NUP210: variants seen among roughly 807,000 people sequenced by gnomAD.
The protein encoded by NUP210 is nuclear pore membrane glycoprotein 210.
A neutral mutation model predicts 196.0 loss-of-function variants in NUP210; 151 were observed. The ratio of observed to expected loss-of-function variants is 0.77; its 90% confidence interval spans 0.67 to 0.88. The LOEUF (loss-of-function observed/expected upper bound fraction) is 0.88, where lower values mean the gene tolerates loss of function less well. Ranked by LOEUF, NUP210 falls within the 40% of genes least tolerant of loss-of-function variation. The probability of loss-of-function intolerance (pLI) is 0.00; values close to 1 mark genes in which losing one functional copy is unlikely to be tolerated. For synonymous variants in NUP210, 1,070 were observed against 1,052.7 expected (o/e 1.02, Z -0.32); for missense variants, 2,314 against 2,493.7 (o/e 0.93, Z 1.53).
At chr3:13,346,669 G>A (rs1440232772) in intron 20 of NUP210, among the ~76,000 whole-genome samples, 1 of 152,218 alleles carries the variant, frequency 6.6e-6, no homozygotes, top group East Asian at 1.9e-4. Flanking sequence ...CCCGCTTCCT[G>A]GAGCCCTGAT....
chr3:13,401,044 G>A (rs1332942208), intron 1 of NUP210, among the ~76,000 whole-genome samples: 1 of 152,028 alleles, frequency 6.6e-6, no homozygotes, highest in Non-Finnish European at 1.5e-5. Context: ...GATCACCAGA[G>A]GTCAGGAGTT....
chr3:13,396,842 T>C (rs1464248643), intron 3 of NUP210, among the ~76,000 whole-genome samples: 1 of 147,254 alleles, frequency 6.8e-6, no homozygotes. Context: ...AACAAGCCCA[T>C]ATTTGACTCT....
chr3:13,353,529 C>T, intron 18 of NUP210, 25 bp downstream of exon 18: 1 of 1,576,260 alleles, frequency 6.3e-7, no homozygotes, highest in Non-Finnish European at 8.7e-7. Context: ...CCATAGCCCA[C>T]CCACCACTGG....
chr3:13,323,510 C>A lies in NUP210; in HGVS notation c.4645-78G>T. 2 of 1,534,740 alleles carry A rather than the reference C, an allele frequency of 1.3e-6. No homozygotes were observed. Among genetic ancestry groups the A allele is most frequent in the East Asian group, 2.3e-5 (1 of 44,200 alleles). ...TGCTGGGCGTTTCCACAACCTCACC[C>A]TGCAGTCTGTGACATAGTGTCACCC... is the stretch of plus-strand genomic sequence containing the variant. On this transcript the variant is annotated intron_variant, in intron 33 of 39. Transcript: ENST00000254508. This position sits in a 1 kb window ranked among gnomAD's most constrained non-coding sequence, Gnocchi z 4.3.
chr3:13,391,630 C>T (rs1359830012), intron 3 of NUP210, among the ~76,000 whole-genome samples: 3 of 149,012 alleles, frequency 2.0e-5, no homozygotes, highest in Non-Finnish European at 3.0e-5. Flanking sequence ...CTGCCCCGCA[C>T]GTCTGTGAGC....
chr3:13,335,427 C>T (rs375410466), intron 28 of NUP210, 27 bp downstream of exon 28: 1 of 1,605,654 alleles, frequency 6.2e-7, no homozygotes, highest in Admixed American at 1.7e-5. Context: ...CTCCCCCTTC[C>T]CTGTGGCCTT....
In NUP210 at chr3:13,321,837, T is replaced by C. The variant is rs1348997087; in HGVS notation, c.4916-2A>G. ...TTGTGATTGAGCAGAAGTACTGGCC[T>C]GCGAAGACAAGGGTGTATTGTCTTG... On this transcript the variant is annotated splice_acceptor_variant, in intron 35 of 39. Transcript: ENST00000254508. LOFTEE classifies it high-confidence loss of function. 1 of 1,602,646 alleles carries C rather than the reference T, an allele frequency of 6.2e-7. No homozygotes were observed. The highest frequency in any genetic ancestry group is 8.5e-7 in the Non-Finnish European group (1 of 1,179,432).
chr3:13,356,339 C>A (rs1442431835), intron 16 of NUP210, among the ~76,000 whole-genome samples: 1 of 152,214 alleles, frequency 6.6e-6, no homozygotes, highest in Non-Finnish European at 1.5e-5. Flanking sequence ...AGGAATATAT[C>A]TTTCTCAAAG....
Position 13,335,485 on chromosome 3 carries a change from G to A in NUP210, c.3812C>T (p.Ala1271Val). Reference sequence around the variant, plus strand: ...TTGGATCTCATCCGAGAGTTCTCTGGCCAGGCCATACAGCTGCCCCGATGT... The same window carrying A: ...TTGGATCTCATCCGAGAGTTCTCTGACCAGGCCATACAGCTGCCCCGATGT... The part of the protein sequence containing the change: ...DPTSGQLYGL[A>V]RELSDEIQVQ... The change falls in exon 28 of 40, where the codon GCC (alanine) becomes GTC (valine). Residue 1271 changes from alanine to valine, a missense_variant. By Grantham distance (64) the Ala-to-Val change is moderately conservative (BLOSUM62 0). Coordinates refer to ENST00000254508, the MANE Select transcript of NUP210 (RefSeq NM_024923.4). 4 of 1,613,966 alleles carry A rather than the reference G, an allele frequency of 2.5e-6. No homozygotes were observed. The highest frequency in any genetic ancestry group is 3.4e-6 in the Non-Finnish European group (4 of 1,179,962).
intron 14 of NUP210, among the ~76,000 whole-genome samples, chr3:13,362,283 C>T (rs905145364): frequency 6.6e-6 from 1 of 152,220 alleles, no homozygotes; most frequent in Non-Finnish European, 1.5e-5. Context: ...TATAAGGGCA[C>T]TAATCCCAGC....
At chr3:13,358,657 G>A (rs1289925091) in intron 15 of NUP210, among the ~76,000 whole-genome samples, 4 of 152,238 alleles carry the variant, frequency 2.6e-5, no homozygotes, top group South Asian at 2.1e-4. Flanking sequence ...AGGTAGACCC[G>A]GTGAGGCTTC....
chr3:13,375,619 T>G lies in NUP210; in HGVS notation c.1316A>C (p.Gln439Pro). The G allele has an allele frequency of 6.2e-7, 1 of 1,614,002 alleles. No homozygotes were observed. The highest frequency in any genetic ancestry group is 8.5e-7 in the Non-Finnish European group (1 of 1,179,988). ...CTCCTGCTGGTTCCACACAGGCACCTGTAGTATGTGGACCCCTCCATCCTA... is the reference window on the plus strand; with the variant it reads ...CTCCTGCTGGTTCCACACAGGCACCGGTAGTATGTGGACCCCTCCATCCTA... ...VDQDGGVHIL[Q>P]VPVWNQQEVE... Residue 439 changes from glutamine (Q) to proline (P), a missense_variant, in exon 11 of 40, where the codon CAG (glutamine) becomes CCG (proline). Physicochemically the swap from Gln to Pro is moderately conservative, Grantham distance 76. Coordinates refer to ENST00000254508, the MANE Select transcript of NUP210 (RefSeq NM_024923.4).
chr3:13,391,135 G>T, intron 4 of NUP210, 76 bp downstream of exon 4: 1 of 999,688 alleles, frequency 1.0e-6, no homozygotes, highest in Non-Finnish European at 1.6e-6. Context: ...AAAGCCCCCC[G>T]CTGGTGAGGA....
intron 13 of NUP210, among the ~76,000 whole-genome samples, chr3:13,370,135 G>C (rs1698679405): frequency 6.6e-6 from 1 of 152,070 alleles, no homozygotes; most frequent in South Asian, 2.1e-4. Flanking sequence ...GAGCATCTCT[G>C]TCCTGACAGA....
At chr3:13,322,808 C>T (rs1040542608) in intron 34 of NUP210, among the ~76,000 whole-genome samples, 7 of 152,212 alleles carry the variant, frequency 4.6e-5, no homozygotes, top group African/African-American at 7.2e-5. Flanking sequence ...TTAATCAGGA[C>T]GAGAAGGGCG....
chr3:13,358,656 C>T (rs73024837), intron 15 of NUP210, among the ~76,000 whole-genome samples: 2,415 of 152,192 alleles, frequency 0.016, 34 homozygotes, highest in Non-Finnish European at 0.025. Context: ...GAGGTAGACC[C>T]GGTGAGGCTT....
chr3:13,334,982 GC>G (rs1166922112), intron 28 of NUP210, among the ~76,000 whole-genome samples: 1 of 152,252 alleles, frequency 6.6e-6, no homozygotes, highest in East Asian at 1.9e-4. Flanking sequence ...AGGGGCATCA[GC>G]AGGTGGCAGC....
intron 3 of NUP210, among the ~76,000 whole-genome samples, chr3:13,396,899 T>C (rs890363276): frequency 6.6e-6 from 1 of 151,942 alleles, no homozygotes; most frequent in Non-Finnish European, 1.5e-5. Context: ...GCAGCATAAA[T>C]GTGACCTGAC....
At chr3:13,330,378 T>A in intron 30 of NUP210, 82 bp downstream of exon 30, 1 of 1,299,054 alleles carries the variant, frequency 7.7e-7, no homozygotes, top group Non-Finnish European at 1.1e-6. Flanking sequence ...AAGGTGAACG[T>A]ATTCACTTTT....
Sources: gnomAD v4.1 joint callset for allele counts (sites outside exome capture counted in the v4.1 genomes callset) on GRCh38, gnomAD v4.1.1 for gene constraint, Gnocchi (gnomAD v3.1) non-coding constraint, MANE v1.5 for transcripts, NCBI Gene and HGNC (gene_info 2026-07-23, HGNC 2026-07-21) for gene names.